Variants in CAMTA1 observed in about 807,000 individuals in gnomAD.
CAMTA1 encodes calmodulin binding transcription activator 1.
A neutral mutation model predicts 170.9 loss-of-function variants in CAMTA1; 27 were observed. The observed-to-expected ratio is 0.16, with a 90% CI of 0.12 to 0.22. CAMTA1 has a LOEUF of 0.22. Ranked by LOEUF, CAMTA1 falls within the 10% of genes least tolerant of loss-of-function variation. The pLI is 1.00. For missense variants in CAMTA1, 1,619 were observed against 2,217.2 expected (o/e 0.73, Z 5.42); for synonymous variants, 833 against 891.5 (o/e 0.93, Z 1.17).
In CAMTA1 at chr1:7,664,200, C is replaced by T. The variant is rs556752092; in HGVS notation, c.1653C>T (p.Ser551=). The change falls in exon 9 of 23, where the codon TCC becomes TCT. Residue 551 remains serine, a synonymous_variant. Coordinates refer to ENST00000303635, the MANE Select transcript of CAMTA1 (RefSeq NM_015215.4). Reference sequence around the variant, plus strand: ...TGGCCAAAGAAGCGTACTCCTCCTCCGCGGCGGCTGTGGCAGCCAGCTCCC... The same window carrying T: ...TGGCCAAAGAAGCGTACTCCTCCTCTGCGGCGGCTGTGGCAGCCAGCTCCC... ...QQMAKEAYSS[S]AAAVAASSLT... 2.6e-5 allele frequency: 42 copies of T among 1,612,704 alleles called. No individual in the cohort carries two copies. The highest frequency in any genetic ancestry group is 5.3e-5 in the African/African-American group (4 of 75,066).
chr1:6,831,380 C>T (rs1650080133), intron 3 of CAMTA1, among the ~76,000 whole-genome samples: 1 of 152,122 alleles, frequency 6.6e-6, no homozygotes, highest in African/African-American at 2.4e-5. Flanking sequence ...TTTTTAAGGC[C>T]TAGAGCCAGA....
chr1:7,276,585 AG>A (rs1321224137), intron 5 of CAMTA1, among the ~76,000 whole-genome samples: 4 of 151,992 alleles, frequency 2.6e-5, no homozygotes, highest in Admixed American at 1.3e-4. Flanking sequence ...CTGGGATTAC[AG>A]GTGTGAGTCA....
At chr1:7,083,891 G>A (rs899496212) in intron 3 of CAMTA1, among the ~76,000 whole-genome samples, 3 of 151,784 alleles carry the variant, frequency 2.0e-5, no homozygotes, top group African/African-American at 4.8e-5. Flanking sequence ...TTTACTTCTC[G>A]TTTGGGAGTA....
chr1:7,004,660 G>T (rs1698721441), intron 3 of CAMTA1, among the ~76,000 whole-genome samples: 1 of 152,148 alleles, frequency 6.6e-6, no homozygotes, highest in South Asian at 2.1e-4. Context: ...CACCTCAGAA[G>T]ATCCCCTTCA....
At chr1:7,604,248 A>G (rs963628030) in intron 6 of CAMTA1, among the ~76,000 whole-genome samples, 1 of 152,186 alleles carries the variant, frequency 6.6e-6, no homozygotes, top group Non-Finnish European at 1.5e-5. Flanking sequence ...AGATTGGGGA[A>G]GTTCTCCTGG....
intron 5 of CAMTA1, among the ~76,000 whole-genome samples, chr1:7,263,874 C>G (rs1668522312): frequency 6.6e-6 from 1 of 152,218 alleles, no homozygotes; most frequent in African/African-American, 2.4e-5. Context: ...ATTTCAAGAT[C>G]CTTGCTTAAT....
In CAMTA1 at chr1:6,893,063, C is replaced by T. The variant is rs562378404; in HGVS notation, c.234+67853C>T. On this transcript the variant is annotated intron_variant, in intron 3 of 22. Transcript: ENST00000303635. ...TTGGGAGGCCGAGGCGGGCGGATCA[C>T]GAGGTCAGGAGTTCGAGACCAGCCT... is the stretch of plus-strand genomic sequence containing the variant. 4.0e-5 allele frequency among the ~76,000 whole-genome samples: 6 copies of T among 151,842 alleles called. No individual in the cohort carries two copies. In the East Asian group the frequency reaches 9.7e-4, roughly 25 times the overall value.
chr1:7,262,421 G>A (rs1007762794), intron 5 of CAMTA1, among the ~76,000 whole-genome samples: 2 of 152,160 alleles, frequency 1.3e-5, no homozygotes, highest in African/African-American at 4.8e-5. Flanking sequence ...AATTAGCCGG[G>A]CGTGGTGGCG....
chr1:7,135,494 C>A (rs1382809542), intron 4 of CAMTA1, among the ~76,000 whole-genome samples: 1 of 152,172 alleles, frequency 6.6e-6, no homozygotes, highest in Non-Finnish European at 1.5e-5. Flanking sequence ...ATTAGTTCAG[C>A]CCCTGTGGAA....
At chr1:7,527,961 C>T (rs1014440794) in intron 6 of CAMTA1, among the ~76,000 whole-genome samples, 4 of 152,096 alleles carry the variant, frequency 2.6e-5, no homozygotes, top group African/African-American at 4.8e-5. Context: ...GTTTGGAGGG[C>T]GCAGCGGCAA....
chr1:7,256,925 A>G (rs1374046880), intron 5 of CAMTA1, among the ~76,000 whole-genome samples: 1 of 152,056 alleles, frequency 6.6e-6, no homozygotes, highest in Admixed American at 6.5e-5. Flanking sequence ...ATAGATGGCC[A>G]TCTTCTCACT....
intron 5 of CAMTA1, among the ~76,000 whole-genome samples, chr1:7,306,918 T>C (rs1334521329): frequency 6.6e-6 from 1 of 151,796 alleles, no homozygotes; most frequent in Non-Finnish European, 1.5e-5. Flanking sequence ...CTACATTAGG[T>C]ATTAGGTATT....
intron 3 of CAMTA1, among the ~76,000 whole-genome samples, chr1:6,844,745 GATT>G (rs1266250553): frequency 2.0e-5 from 3 of 146,954 alleles, no homozygotes; most frequent in African/African-American, 7.5e-5. Flanking sequence ...GTGTAGAGTA[GATT>G]ATTGAACAGC....
intron 18 of CAMTA1, 120 bp from the exon 19 acceptor site, chr1:7,747,590 T>C (rs1412262916): frequency 1.8e-6 from 1 of 563,846 alleles, no homozygotes; most frequent in African/African-American, 1.9e-5. Context: ...ATTATCAATA[T>C]TTTTTGGTAA....
At chr1:7,364,361 T>C (rs1215148207) in intron 5 of CAMTA1, among the ~76,000 whole-genome samples, 4 of 152,054 alleles carry the variant, frequency 2.6e-5, no homozygotes, top group African/African-American at 9.7e-5. Flanking sequence ...AGATTTAGTG[T>C]CTGGTAAGAG....
intron 6 of CAMTA1, among the ~76,000 whole-genome samples, chr1:7,540,493 C>T (rs937509293): frequency 3.9e-5 from 6 of 152,196 alleles, no homozygotes; most frequent in South Asian, 4.1e-4. Context: ...GGTAGCAGTC[C>T]GGCATCCAGG....
intron 1 of CAMTA1, among the ~76,000 whole-genome samples, chr1:6,817,716 C>T (rs1408198015): frequency 6.6e-6 from 1 of 152,138 alleles, no homozygotes; most frequent in Non-Finnish European, 1.5e-5. Context: ...TCACTTTAGG[C>T]TCAAATTCCT....
At chr1:7,350,508 G>A (rs933930983) in intron 5 of CAMTA1, among the ~76,000 whole-genome samples, 1 of 152,168 alleles carries the variant, frequency 6.6e-6, no homozygotes, top group Non-Finnish European at 1.5e-5. Context: ...CCGTTTCTGC[G>A]ATATCACTGC....
chr1:7,153,526 C>T (rs1160078411), intron 4 of CAMTA1, among the ~76,000 whole-genome samples: 1 of 152,110 alleles, frequency 6.6e-6, no homozygotes, highest in Non-Finnish European at 1.5e-5. Context: ...CTGTTTCCTG[C>T]TTCACTGTCG....
Sources: allele counts gnomAD v4.1 joint callset (sites outside exome capture counted in the v4.1 genomes callset), GRCh38; gene constraint gnomAD v4.1.1; transcripts MANE v1.5; gene names NCBI Gene and HGNC (gene_info 2026-07-23, HGNC 2026-07-21).